RYR2: variants seen among roughly 807,000 people sequenced by gnomAD.
The protein encoded by RYR2 is ryanodine receptor 2, also known as cardiac muscle ryanodine receptor-calcium release channel.
RYR2 carries 227 observed loss-of-function variants against 601.1 expected under a neutral mutation model. The ratio of observed to expected loss-of-function variants is 0.38; its 90% CI spans 0.34 to 0.42. The LOEUF is 0.42. Ranked by LOEUF, RYR2 falls within the 10% of genes least tolerant of loss-of-function variation. The pLI is 1.00. For missense variants in RYR2, 4,646 were observed against 6,156.5 expected (o/e 0.75, Z 8.21); for synonymous variants, 2,223 against 2,175.1 (o/e 1.02, Z -0.61).
intron 2 of RYR2, among the ~76,000 whole-genome samples, chr1:237,273,206 A>G (rs538395727): frequency 8.5e-5 from 13 of 152,214 alleles, no homozygotes; most frequent in African/African-American, 3.1e-4. Flanking sequence ...GTCAGGCATT[A>G]GATTCTCATA....
At chr1:237,781,977 C>T (rs141657871) in intron 89 of RYR2, among the ~76,000 whole-genome samples, 1,650 of 152,114 alleles carry the variant, frequency 0.011, 18 homozygotes, top group Middle Eastern at 0.02. Flanking sequence ...GTGGGGGTTT[C>T]GGACATTTGG....
intron 29 of RYR2, among the ~76,000 whole-genome samples, chr1:237,585,268 G>A (rs71642899): frequency 0.054 from 8,296 of 152,222 alleles, 315 homozygotes; most frequent in East Asian, 0.13. Context: ...TCACTTAGTA[G>A]CTGTGAGGGC....
intron 29 of RYR2, among the ~76,000 whole-genome samples, chr1:237,579,402 A>G (rs1673643367): frequency 6.6e-6 from 1 of 151,822 alleles, no homozygotes; most frequent in South Asian, 2.1e-4. Flanking sequence ...GATTACAGGC[A>G]TGCGCCACCA....
At chr1:237,785,083 C>G (rs1490685077) in intron 90 of RYR2, 111 bp downstream of exon 90, 2 of 791,302 alleles carry the variant, frequency 2.5e-6, no homozygotes, top group Non-Finnish European at 4.2e-6. Flanking sequence ...ACCTATGTGA[C>G]TTGAATTTCC....
At chr1:237,594,826 C>G (rs1013828055) in intron 33 of RYR2, among the ~76,000 whole-genome samples, 1 of 140,998 alleles carries the variant, frequency 7.1e-6, no homozygotes, top group Non-Finnish European at 1.5e-5. Context: ...TTGTTACCAT[C>G]TCTAGTAAAA....
In RYR2 at chr1:237,748,080, G is replaced by A. The variant is rs564942135; in HGVS notation, c.11145+5731G>A. ...AGCTCAGATTTCCTGGAAAACACAG[G>A]CAAAAGCTTACGTGCTAACACTTTA... is the stretch of plus-strand genomic sequence containing the variant. On this transcript the variant is annotated intron_variant, in intron 80 of 104. Coordinates refer to ENST00000366574, the MANE Select transcript of RYR2 (RefSeq NM_001035.3). Among the ~76,000 whole-genome samples the A allele has an allele frequency of 6.6e-4, 100 of 152,216 alleles. 1 individual carries two copies. The highest frequency in any genetic ancestry group is 2.4e-3 in the African/African-American group (98 of 41,540).
Position 237,657,996 on chromosome 1 carries a change from TC to T in RYR2, c.8185del (p.His2729MetfsTer28). 6.6e-7 allele frequency: 1 copy of T among 1,511,024 alleles called. No homozygotes were observed. Among genetic ancestry groups the T allele is most frequent in the Admixed American group, 2.2e-5 (1 of 45,450 alleles). 93.6% of individuals were successfully genotyped at this position (1,511,024 alleles called of 1,614,324 possible). ...CTTCATTAACAAATATGCAGAACAC[TC>T]CCATGACAAATGGTCAATGGACAAG... is the stretch of plus-strand genomic sequence containing the variant. ...EYFINKYAEHSHDKWSMDKLA... is the reference protein window; with the variant it reads ...EYFINKYAEHXHDKWSMDKLA... On this transcript the variant is annotated frameshift_variant, in exon 54 of 105. Transcript: ENST00000366574. LOFTEE classifies it high-confidence loss of function.
At chr1:237,199,432 G>T (rs1680937432) in intron 1 of RYR2, among the ~76,000 whole-genome samples, 1 of 152,210 alleles carries the variant, frequency 6.6e-6, no homozygotes, top group Non-Finnish European at 1.5e-5. Context: ...CTTGGAGTCT[G>T]ATGTTTGAGG....
At chr1:237,707,355 C>T in intron 68 of RYR2, 86 bp downstream of exon 68, 2 of 684,316 alleles carry the variant, frequency 2.9e-6, no homozygotes, top group East Asian at 3.0e-5. Context: ...ATTTTCCCAT[C>T]ACAATTTTTA....
chr1:237,510,576 G>T (rs1165925945), intron 23 of RYR2, among the ~76,000 whole-genome samples: 3 of 152,106 alleles, frequency 2.0e-5, no homozygotes, highest in Admixed American at 6.5e-5. Flanking sequence ...TGACCAGAAA[G>T]AAAGGAATAA....
intron 3 of RYR2, among the ~76,000 whole-genome samples, chr1:237,349,493 A>C (rs989976181): frequency 2.6e-4 from 40 of 152,276 alleles, no homozygotes; most frequent in African/African-American, 9.6e-4. Context: ...GGGAAAGAAG[A>C]CTAAGTAAAT....
intron 10 of RYR2, among the ~76,000 whole-genome samples, chr1:237,396,571 GC>G (rs1342321719): frequency 5.3e-5 from 8 of 152,196 alleles, no homozygotes; most frequent in Admixed American, 5.2e-4. Context: ...GTGTTTCTTT[GC>G]CTGAGGGGAG....
chr1:237,091,732 G>A (rs551181317), intron 1 of RYR2, among the ~76,000 whole-genome samples: 61 of 152,246 alleles, frequency 4.0e-4, no homozygotes, highest in Non-Finnish European at 6.5e-4. Context: ...ACCCAGGGAC[G>A]GTTCTAAGAC....
At chr1:237,204,689 A>G (rs1016278058) in intron 1 of RYR2, among the ~76,000 whole-genome samples, 1 of 152,102 alleles carries the variant, frequency 6.6e-6, no homozygotes, top group African/African-American at 2.4e-5. Context: ...TTTTAAAGCT[A>G]GAGGAGTCTT....
At chr1:237,645,550 A>G (rs1023959000) in intron 48 of RYR2, among the ~76,000 whole-genome samples, 1 of 152,226 alleles carries the variant, frequency 6.6e-6, no homozygotes, top group African/African-American at 2.4e-5. Context: ...AAATTTTGTA[A>G]TAACATAATA....
intron 10 of RYR2, among the ~76,000 whole-genome samples, chr1:237,398,823 C>T (rs774372220): frequency 8.6e-5 from 13 of 151,870 alleles, no homozygotes; most frequent in South Asian, 6.2e-4. Flanking sequence ...TTGTAATAAT[C>T]GAAACATGGA....
At chr1:237,474,466 C>A (rs1430271392) in intron 17 of RYR2, among the ~76,000 whole-genome samples, 4 of 151,868 alleles carry the variant, frequency 2.6e-5, no homozygotes, top group Admixed American at 1.3e-4. Flanking sequence ...AGAGTGAATA[C>A]CTTTACAGAC....
chr1:237,779,948 A>G (rs1694965029), intron 88 of RYR2, among the ~76,000 whole-genome samples: 1 of 152,138 alleles, frequency 6.6e-6, no homozygotes, highest in African/African-American at 2.4e-5. Context: ...TAGACCAGCT[A>G]TGTCTGCTAA....
At chr1:237,117,989 A>G (rs1028207183) in intron 1 of RYR2, among the ~76,000 whole-genome samples, 2 of 152,096 alleles carry the variant, frequency 1.3e-5, no homozygotes, top group East Asian at 3.9e-4. Flanking sequence ...CAGGTGATCC[A>G]TTCTCCTCAG....
Sources: gnomAD v4.1 joint callset for allele counts (sites outside exome capture counted in the v4.1 genomes callset) on GRCh38, gnomAD v4.1.1 for gene constraint, MANE v1.5 for transcripts, NCBI Gene and HGNC (gene_info 2026-07-23, HGNC 2026-07-21) for gene names.